Variants in PPM1H observed in about 807,000 individuals in gnomAD.
PPM1H encodes protein phosphatase 1H.
In PPM1H, 27 loss-of-function variants were observed where a neutral mutation model predicts 54.9. The ratio of observed to expected loss-of-function variants is 0.49; its 90% CI spans 0.36 to 0.68. PPM1H has a LOEUF of 0.68. PPM1H is among the 30% of genes least tolerant of loss of function. The pLI is 0.00. For missense variants in PPM1H, 596 were observed against 667.8 expected (o/e 0.89, Z 1.19); for synonymous variants, 305 against 270.8 (o/e 1.13, Z -1.24).
chr12:62,877,060 GAA>G (rs973941181), intron 1 of PPM1H, among the ~76,000 whole-genome samples: 9 of 151,834 alleles, frequency 5.9e-5, no homozygotes, highest in Admixed American at 3.9e-4. Context: ...TCTAATCTCA[GAA>G]AAAAAAGTTA....
intron 1 of PPM1H, among the ~76,000 whole-genome samples, chr12:62,894,601 T>C (rs956965994): frequency 1.3e-5 from 2 of 152,166 alleles, no homozygotes; most frequent in Admixed American, 1.3e-4. Flanking sequence ...ACAACCTACC[T>C]CCCAGATTTA....
rs1322193373 is a variant in PPM1H, at chr12:62,771,316, ACACACAC to A, written c.869+16903_869+16909del. On this transcript the variant is annotated intron_variant, in intron 4 of 9. Coordinates refer to ENST00000228705, the MANE Select transcript of PPM1H (RefSeq NM_020700.2). ...TGAAGACACACACACACACACACAC[ACACACAC>A]ACACACACACACACACGGGCCTTTG... 1.8e-4 allele frequency among the ~76,000 whole-genome samples: 27 copies of A among 151,844 alleles called. 1 individual carries two copies. The highest frequency in any genetic ancestry group is 6.5e-4 in the African/African-American group (27 of 41,412).
chr12:62,811,957 C>G (rs1427549452), intron 2 of PPM1H, among the ~76,000 whole-genome samples: 2 of 152,202 alleles, frequency 1.3e-5, no homozygotes, highest in Non-Finnish European at 2.9e-5. Flanking sequence ...TGTTGTCACT[C>G]CATTTTGCCA....
chr12:62,830,820 A>G (rs4763036), intron 2 of PPM1H, among the ~76,000 whole-genome samples: 1 of 152,126 alleles, frequency 6.6e-6, no homozygotes, highest in African/African-American at 2.4e-5. Flanking sequence ...ATACTTATCA[A>G]TCCCTGAGCA....
chr12:62,867,193 T>G (rs957873822), intron 1 of PPM1H, among the ~76,000 whole-genome samples: 2 of 152,162 alleles, frequency 1.3e-5, no homozygotes, highest in African/African-American at 2.4e-5. Flanking sequence ...AGCATTAAAT[T>G]TGGCTGACAC....
intron 6 of PPM1H, among the ~76,000 whole-genome samples, chr12:62,698,946 C>T (rs1195149503): frequency 6.6e-6 from 1 of 152,104 alleles, no homozygotes; most frequent in Non-Finnish European, 1.5e-5. Flanking sequence ...CAGATCCTTC[C>T]ATCCAAAATA....
At chr12:62,855,829 T>A (rs1869363581) in intron 1 of PPM1H, among the ~76,000 whole-genome samples, 1 of 152,204 alleles carries the variant, frequency 6.6e-6, no homozygotes, top group South Asian at 2.1e-4. Flanking sequence ...GATATTTTTG[T>A]ATATCCATAA....
At chr12:62,894,107 A>G (rs940983100) in intron 1 of PPM1H, among the ~76,000 whole-genome samples, 5 of 152,124 alleles carry the variant, frequency 3.3e-5, no homozygotes, top group Non-Finnish European at 7.4e-5. Context: ...TGACAATACA[A>G]TGTAGAGCAG....
intron 4 of PPM1H, among the ~76,000 whole-genome samples, chr12:62,751,665 C>T (rs761758497): frequency 2.0e-5 from 3 of 152,188 alleles, no homozygotes; most frequent in Non-Finnish European, 4.4e-5. Context: ...AATCTTGAGG[C>T]GTCCTTCACT....
chr12:62,836,315 G>A (rs957497618), intron 1 of PPM1H, among the ~76,000 whole-genome samples: 4 of 152,192 alleles, frequency 2.6e-5, no homozygotes, highest in African/African-American at 9.7e-5. Context: ...CACATAGCAG[G>A]TGCTCAACAA....
chr12:62,838,489 T>G (rs1185829184), intron 1 of PPM1H, among the ~76,000 whole-genome samples: 2 of 152,146 alleles, frequency 1.3e-5, no homozygotes. Flanking sequence ...AAGGACAACT[T>G]AATTCCTAGC....
At chr12:62,848,555 C>A (rs1204503730) in intron 1 of PPM1H, among the ~76,000 whole-genome samples, 3 of 152,180 alleles carry the variant, frequency 2.0e-5, no homozygotes, top group Non-Finnish European at 4.4e-5. Context: ...TTTAGGGCCC[C>A]ACTCTCAGAG....
intron 1 of PPM1H, among the ~76,000 whole-genome samples, chr12:62,919,879 C>G (rs1871738282): frequency 6.6e-6 from 1 of 151,906 alleles, no homozygotes; most frequent in Admixed American, 6.6e-5. Context: ...AAACTGATGA[C>G]AGGGGAATGG....
At chr12:62,726,134 A>G (rs1010072883) in intron 5 of PPM1H, among the ~76,000 whole-genome samples, 14 of 152,288 alleles carry the variant, frequency 9.2e-5, no homozygotes, top group African/African-American at 2.9e-4. Context: ...GTCAAACCCT[A>G]TGGAGTTAAT....
intron 8 of PPM1H, among the ~76,000 whole-genome samples, chr12:62,683,032 A>ATTTTTTTTTTT (rs201636860): frequency 7.9e-6 from 1 of 126,356 alleles, no homozygotes; most frequent in Non-Finnish European, 1.7e-5. Flanking sequence ...AGAGTTTATT[A>ATTTTTTTTTTT]TTTATTATTA....
rs78562085 is a variant in PPM1H, at chr12:62,832,787, T to A, written c.246-508A>T. ...ATTTCACTACGGCCATACCCCCCCA[T>A]TTTTGCTTTACACAAAGGCAAGCAA... On this transcript the variant is annotated intron_variant, in intron 1 of 9. Coordinates refer to ENST00000228705, the MANE Select transcript of PPM1H (RefSeq NM_020700.2). 5.2e-3 allele frequency among the ~76,000 whole-genome samples: 787 copies of A among 152,258 alleles called. 3 individuals carry two copies. Among genetic ancestry groups the A allele is most frequent in the Non-Finnish European group, 7.9e-3 (538 of 68,016 alleles).
At chr12:62,817,116 T>TAAAAAAAAAAAAAAAAAGAAA (rs2076870732) in intron 2 of PPM1H, among the ~76,000 whole-genome samples, 2 of 41,786 alleles carry the variant, frequency 4.8e-5, no homozygotes, top group Non-Finnish European at 9.1e-5. Context: ...ACTGCATTAC[T>TAAAAAAAAAAAAAAAAAGAAA]AAAAAAAAAA....
At chr12:62,906,688 T>G (rs1871311836) in intron 1 of PPM1H, among the ~76,000 whole-genome samples, 2 of 152,138 alleles carry the variant, frequency 1.3e-5, no homozygotes, top group African/African-American at 4.8e-5. Flanking sequence ...TCCATCACCA[T>G]GACCCCAAGG....
At chr12:62,742,312 T>TGA (rs2076386111) in intron 4 of PPM1H, among the ~76,000 whole-genome samples, 1 of 152,244 alleles carries the variant, frequency 6.6e-6, no homozygotes, top group African/African-American at 2.4e-5. Context: ...GGATTAAAGA[T>TGA]GACAGCATGT....
Sources: allele counts gnomAD v4.1 joint callset (sites outside exome capture counted in the v4.1 genomes callset), GRCh38; gene constraint gnomAD v4.1.1; transcripts MANE v1.5; gene names NCBI Gene and HGNC (gene_info 2026-07-23, HGNC 2026-07-21).